The following CARMIL1 variants were observed in gnomAD, a reference collection of about 807,000 sequenced individuals.
CARMIL1 encodes capping protein regulator and myosin 1 linker 1.
CARMIL1 carries 90 observed loss-of-function variants against 177.1 expected under a neutral mutation model. The ratio of observed to expected loss-of-function variants is 0.51; its 90% confidence interval spans 0.43 to 0.61. The LOEUF is 0.61. Among genes scored for constraint, CARMIL1 ranks in the 20% least tolerant of loss-of-function variants. The pLI is 0.00. For synonymous variants in CARMIL1, 577 were observed against 606.2 expected, an observed-to-expected ratio of 0.95 and a Z score of 0.71; for missense variants, 1,380 against 1,667.0, an observed-to-expected ratio of 0.83 and a Z score of 3.00.
chr6:25,298,684 C>A (rs1782618097), intron 2 of CARMIL1, among the ~76,000 whole-genome samples: 1 of 151,374 alleles, frequency 6.6e-6, no homozygotes, highest in East Asian at 1.9e-4. Context: ...TTTCTTGGTC[C>A]TTTCAGGGCA....
At chr6:25,552,236 G>A (rs1050984434) in intron 27 of CARMIL1, among the ~76,000 whole-genome samples, 1 of 152,064 alleles carries the variant, frequency 6.6e-6, no homozygotes, top group East Asian at 1.9e-4. Context: ...CCTGTGGTTT[G>A]AGAATTTTTT....
At chr6:25,395,389 T>G (rs1323397144) in intron 2 of CARMIL1, among the ~76,000 whole-genome samples, 1 of 152,204 alleles carries the variant, frequency 6.6e-6, no homozygotes, top group Non-Finnish European at 1.5e-5. Context: ...CTTGCTCCAA[T>G]AGCAGCATTA....
At chr6:25,552,467 G>A (rs1810197930) in intron 27 of CARMIL1, among the ~76,000 whole-genome samples, 1 of 151,946 alleles carries the variant, frequency 6.6e-6, no homozygotes, top group South Asian at 2.1e-4. Flanking sequence ...TCCATACTTG[G>A]CTTTTTATAA....
intron 29 of CARMIL1, chr6:25,563,314 C>G (rs1169564566): frequency 3.0e-6 from 3 of 985,324 alleles, no homozygotes; most frequent in Non-Finnish European, 3.6e-6. Flanking sequence ...AGATCAAATC[C>G]CTTTGGGATG....
intron 2 of CARMIL1, among the ~76,000 whole-genome samples, chr6:25,376,746 A>G (rs1251852915): frequency 6.6e-6 from 1 of 152,178 alleles, no homozygotes; most frequent in Non-Finnish European, 1.5e-5. Context: ...TGAACAGCTT[A>G]GGCTTCAGGC....
chr6:25,387,109 G>T (rs1792250581), intron 2 of CARMIL1, among the ~76,000 whole-genome samples: 1 of 40,828 alleles, frequency 2.4e-5, no homozygotes, highest in Non-Finnish European at 4.3e-5. Context: ...GTGAGACTCT[G>T]TCTCCAAAAA....
chr6:25,519,722 G>A (rs181621576), intron 22 of CARMIL1, among the ~76,000 whole-genome samples: 36 of 152,318 alleles, frequency 2.4e-4, no homozygotes, highest in African/African-American at 6.0e-4. Context: ...TCATTTAATG[G>A]AGCCCAGAAA....
chr6:25,400,982 T>G (rs1276067873), intron 2 of CARMIL1, among the ~76,000 whole-genome samples: 2 of 142,308 alleles, frequency 1.4e-5, no homozygotes, highest in Non-Finnish European at 3.1e-5. Context: ...AAGAATATAT[T>G]TTTATTATTA....
At chr6:25,541,597 T>C (rs1808904737) in intron 26 of CARMIL1, among the ~76,000 whole-genome samples, 1 of 152,200 alleles carries the variant, frequency 6.6e-6, no homozygotes, top group Non-Finnish European at 1.5e-5. Context: ...TCAACAATGC[T>C]AAGTTGTTCA....
chr6:25,289,015 T>C (rs1193665056), intron 2 of CARMIL1, among the ~76,000 whole-genome samples: 1 of 152,194 alleles, frequency 6.6e-6, no homozygotes, highest in Non-Finnish European at 1.5e-5. Flanking sequence ...TCCAAACTTA[T>C]TTAGCCAGAG....
At chr6:25,380,365 G>A (rs1192329831) in intron 2 of CARMIL1, among the ~76,000 whole-genome samples, 1 of 152,180 alleles carries the variant, frequency 6.6e-6, no homozygotes, top group African/African-American at 2.4e-5. Flanking sequence ...CCATGGTAGT[G>A]TGAAAGCAGC....
At chr6:25,392,901 AC>A (rs1246518421) in intron 2 of CARMIL1, among the ~76,000 whole-genome samples, 21 of 152,174 alleles carry the variant, frequency 1.4e-4, no homozygotes, top group African/African-American at 4.8e-4. Context: ...GAAAAAAAAA[AC>A]AACAGTGTTC....
At chr6:25,430,955 CTCTT>C (rs1438113428) in intron 4 of CARMIL1, among the ~76,000 whole-genome samples, 10 of 152,086 alleles carry the variant, frequency 6.6e-5, no homozygotes, top group Non-Finnish European at 8.8e-5. Flanking sequence ...GGTTATCTCT[CTCTT>C]TTTCCATTTC....
At chr6:25,594,556 G>A in intron 32 of CARMIL1, 29 bp downstream of exon 32, 2 of 1,197,340 alleles carry the variant, frequency 1.7e-6, no homozygotes, top group Non-Finnish European at 2.5e-6. Flanking sequence ...CACTGATAAT[G>A]CTATTTTATT....
At chr6:25,610,215 A>G in intron 36 of CARMIL1, 34 bp downstream of exon 36, 1 of 1,593,138 alleles carries the variant, frequency 6.3e-7, no homozygotes, top group Non-Finnish European at 8.5e-7. Context: ...TCTCTGGGTT[A>G]GCTCTCCCCA....
At chr6:25,305,249 G>A (rs1170000916) in intron 2 of CARMIL1, among the ~76,000 whole-genome samples, 1 of 152,174 alleles carries the variant, frequency 6.6e-6, no homozygotes, top group East Asian at 1.9e-4. Flanking sequence ...AGGTTCTTAG[G>A]TCTGCAATTT....
At chr6:25,451,986 G>GCCTC in intron 8 of CARMIL1, 4 of 112,662 alleles carry the variant, frequency 3.6e-5, no homozygotes, top group South Asian at 7.1e-5. Flanking sequence ...CTAGCATCTT[G>GCCTC]CCCCCCCCTC....
rs1463640796 is a variant in CARMIL1 at position 25,435,504 on chromosome 6, TGCA to T, written c.275_277del (p.Ser92del). 4.5e-6 allele frequency: 7 copies of T among 1,551,588 alleles called. No individual in the cohort carries two copies. Among genetic ancestry groups the T allele is most frequent in the Non-Finnish European group, 6.1e-6 (7 of 1,146,838 alleles). ...GCAGATGATTGTGGAAACTGAGAAG[TGCA>T]GCATTTCCATGAAGATGGCGTCACC... On this transcript the variant is annotated inframe_deletion, in exon 5 of 37. Transcript: ENST00000329474.
chr6:25,566,006 A>T (rs9467532), intron 29 of CARMIL1, among the ~76,000 whole-genome samples: 101 of 152,076 alleles, frequency 6.6e-4, no homozygotes, highest in African/African-American at 2.2e-3. Flanking sequence ...CAGCTTTGTG[A>T]CTTTCTATTT....
Sources: allele counts gnomAD v4.1 joint callset (sites outside exome capture counted in the v4.1 genomes callset), GRCh38; gene constraint gnomAD v4.1.1; transcripts MANE v1.5; gene names NCBI Gene and HGNC (gene_info 2026-07-23, HGNC 2026-07-21).